The following CNBD1 variants were observed in gnomAD, a reference collection of about 807,000 sequenced individuals.
CNBD1 encodes the protein cyclic nucleotide-binding domain-containing protein 1.
In CNBD1, 71 loss-of-function variants were observed where a neutral mutation model predicts 54.4. The ratio of observed to expected loss-of-function variants is 1.30; its 90% CI spans 1.08 to 1.59. CNBD1 has a LOEUF of 1.59. Ranked by LOEUF, CNBD1 falls within the 40% of genes most tolerant of loss-of-function variation. CNBD1 has a pLI of 0.00. For missense variants in CNBD1, 659 were observed against 518.0 expected (o/e 1.27, Z -2.64); for synonymous variants, 182 against 170.7 (o/e 1.07, Z -0.51).
chr8:87,301,138 A>C (rs1264286400), intron 8 of CNBD1, among the ~76,000 whole-genome samples: 5 of 152,170 alleles, frequency 3.3e-5, no homozygotes, highest in Non-Finnish European at 5.9e-5. Flanking sequence ...CAACCCTCCT[A>C]GCTTAAATCA....
At chr8:87,079,261 G>A (rs1207867770) in intron 4 of CNBD1, among the ~76,000 whole-genome samples, 2 of 151,724 alleles carry the variant, frequency 1.3e-5, no homozygotes, top group Non-Finnish European at 2.9e-5. Flanking sequence ...GTGCATTTGG[G>A]TTGATTTCAA....
chr8:86,964,318 G>T (rs1438688656), intron 4 of CNBD1, among the ~76,000 whole-genome samples: 1 of 152,004 alleles, frequency 6.6e-6, no homozygotes, highest in Non-Finnish European at 1.5e-5. Context: ...TTTCATCATT[G>T]GGGTCCCATT....
At chr8:87,268,061 A>G (rs754947553) in intron 6 of CNBD1, among the ~76,000 whole-genome samples, 26 of 152,066 alleles carry the variant, frequency 1.7e-4, no homozygotes, top group Admixed American at 6.6e-5. Flanking sequence ...TCACCCAGGT[A>G]GTGAGCACAG....
intron 2 of CNBD1, among the ~76,000 whole-genome samples, chr8:87,390,511 C>A (rs1358319929): frequency 6.6e-6 from 1 of 152,172 alleles, no homozygotes; most frequent in Non-Finnish European, 1.5e-5. Context: ...CACTGGCCAT[C>A]AGAAAAATGC....
intron 2 of CNBD1, among the ~76,000 whole-genome samples, chr8:87,425,368 G>A (rs1376992329): frequency 6.6e-6 from 1 of 152,206 alleles, no homozygotes; most frequent in Admixed American, 6.5e-5. Context: ...GTGAGGAGCT[G>A]CGTTCCTTTG....
At chr8:87,387,144 C>A (rs890110440), downstream of CNBD1, among the ~76,000 whole-genome samples, 2 of 152,098 alleles carry the variant, frequency 1.3e-5, no homozygotes, top group Non-Finnish European at 2.9e-5. Flanking sequence ...CCAGCCACTG[C>A]GAAAACATGC....
intron 8 of CNBD1, among the ~76,000 whole-genome samples, chr8:87,324,749 A>T (rs984990414): frequency 2.7e-5 from 4 of 148,828 alleles, no homozygotes; most frequent in Non-Finnish European, 6.0e-5. Flanking sequence ...CTTTCAAAAA[A>T]CCAGCTCCTG....
At chr8:86,998,017 A>G (rs1246031813) in intron 4 of CNBD1, among the ~76,000 whole-genome samples, 1 of 152,082 alleles carries the variant, frequency 6.6e-6, no homozygotes, top group African/African-American at 2.4e-5. Context: ...TTACATGCCC[A>G]TGTTATAGCA....
chr8:87,213,339 C>A (rs1240578270), intron 5 of CNBD1, among the ~76,000 whole-genome samples: 1 of 152,126 alleles, frequency 6.6e-6, no homozygotes, highest in Non-Finnish European at 1.5e-5. Context: ...AGTCTGTTCT[C>A]ACACTCCTAA....
At chr8:87,369,175 T>A (rs575326562) in intron 10 of CNBD1, among the ~76,000 whole-genome samples, 1 of 151,968 alleles carries the variant, frequency 6.6e-6, no homozygotes, top group Non-Finnish European at 1.5e-5. Context: ...ATAATGGCCT[T>A]CAATGTTCAC....
Position 87,113,707 on chromosome 8 carries a change from C to G in CNBD1, c.432-92286C>G, listed in dbSNP as rs951461123. On this transcript the variant is annotated intron_variant, in intron 4 of 10. Transcript: ENST00000518476. Reference sequence around the variant, plus strand: ...GGCCCAGGCGGGCGGATCATGAGGTCAGGAGATCTAGACCATCCTGGCTAA... The same window carrying G: ...GGCCCAGGCGGGCGGATCATGAGGTGAGGAGATCTAGACCATCCTGGCTAA... 1.3e-5 allele frequency among the ~76,000 whole-genome samples: 2 copies of G among 152,064 alleles called. 1 individual carries two copies. Among genetic ancestry groups the G allele is most frequent in the Non-Finnish European group, 2.9e-5 (2 of 68,022 alleles).
At chr8:86,979,002 A>G (rs1321750385) in intron 4 of CNBD1, among the ~76,000 whole-genome samples, 1 of 152,158 alleles carries the variant, frequency 6.6e-6, no homozygotes, top group African/African-American at 2.4e-5. Context: ...TTTTCATGGT[A>G]GTAATGTTAA....
intron 4 of CNBD1, among the ~76,000 whole-genome samples, chr8:87,133,094 TTTGA>T (rs139412210): frequency 0.18 from 26,841 of 151,910 alleles, 2,853 homozygotes; most frequent in Non-Finnish European, 0.24. Context: ...ATAATTTTTA[TTTGA>T]TTGATTTTTA....
intron 8 of CNBD1, among the ~76,000 whole-genome samples, chr8:87,308,455 C>A (rs1484935959): frequency 4.6e-5 from 7 of 151,934 alleles, no homozygotes; most frequent in Non-Finnish European, 1.0e-4. Flanking sequence ...GATTCTATTT[C>A]TTCTTTCATG....
intron 3 of CNBD1, among the ~76,000 whole-genome samples, chr8:86,929,797 C>T (rs1017388197): frequency 3.9e-5 from 6 of 152,070 alleles, no homozygotes; most frequent in Admixed American, 2.0e-4. Context: ...ATTTTGATAG[C>T]CTTTGATACT....
intron 1 of CNBD1, among the ~76,000 whole-genome samples, chr8:86,881,916 A>G (rs1808611441): frequency 6.6e-6 from 1 of 152,194 alleles, no homozygotes; most frequent in Non-Finnish European, 1.5e-5. Flanking sequence ...GGTAATGGGA[A>G]AAAGATTCCC....
chr8:87,366,397 C>T lies in CNBD1; in HGVS notation c.1303+12611C>T, dbSNP rs1437894686. Among the ~76,000 whole-genome samples the T allele has an allele frequency of 3.9e-5, 6 of 152,166 alleles. No homozygotes were observed. In the East Asian group the frequency reaches 1.2e-3, roughly 30 times the overall value. On this transcript the variant is annotated intron_variant, in intron 10 of 10. Coordinates refer to ENST00000518476, the MANE Select transcript of CNBD1 (RefSeq NM_173538.3). ...GGTCACTCTCAGCCATCAGAGCCTGCTCCATCCATCTGGCCCTCTCCATCT... is the reference window on the plus strand; with the variant it reads ...GGTCACTCTCAGCCATCAGAGCCTGTTCCATCCATCTGGCCCTCTCCATCT...
intron 8 of CNBD1, among the ~76,000 whole-genome samples, chr8:87,348,938 T>C (rs1221707166): frequency 6.6e-6 from 1 of 152,202 alleles, no homozygotes; most frequent in Non-Finnish European, 1.5e-5. Flanking sequence ...TTCCTTTGCC[T>C]TAAGATAAAA....
At position 86,887,732 on chromosome 8, in the gene CNBD1, A is replaced by G. The variant is rs67958512; in HGVS notation, c.158+121A>G. Reference sequence around the variant, plus strand: ...CAGAGGTACCTGATTTATCACACAGATAAAAACAGTTGAAAACCTGGGGGT... The same window carrying G: ...CAGAGGTACCTGATTTATCACACAGGTAAAAACAGTTGAAAACCTGGGGGT... On this transcript the variant is annotated intron_variant, in intron 2 of 10. Coordinates refer to ENST00000518476, the MANE Select transcript of CNBD1 (RefSeq NM_173538.3). 308,583 of 652,502 alleles carry G rather than the reference A, an allele frequency of 0.47. 74,470 individuals carry two copies. Among genetic ancestry groups the G allele is most frequent in the East Asian group, 0.57 (19,606 of 34,270 alleles). 40.4% of individuals were successfully genotyped at this position (652,502 alleles called of 1,614,324 possible).
Sources: gnomAD v4.1 joint callset for allele counts (sites outside exome capture counted in the v4.1 genomes callset) on GRCh38, gnomAD v4.1.1 for gene constraint, MANE v1.5 for transcripts, NCBI Gene and HGNC (gene_info 2026-07-23, HGNC 2026-07-21) for gene names.